Variants in GNPTAB observed in about 807,000 individuals in gnomAD.
GNPTAB encodes N-acetylglucosamine-1-phosphotransferase subunits alpha/beta.
Under a neutral mutation model 136.6 loss-of-function variants are expected in GNPTAB, and 92 were observed. The observed-to-expected ratio is 0.67, with a 90% CI of 0.57 to 0.80. The LOEUF (loss-of-function observed/expected upper bound fraction) is 0.80, where lower values mean the gene tolerates loss of function less well. Among genes scored for constraint, GNPTAB ranks in the 30% least tolerant of loss-of-function variants. GNPTAB has a pLI of 0.00. For synonymous variants in GNPTAB, 512 were observed against 535.1 expected, an observed-to-expected ratio of 0.96 and a Z score of 0.60; for missense variants, 1,343 against 1,501.8, an observed-to-expected ratio of 0.89 and a Z score of 1.75.
At chr12:101,829,160 T>C (rs192196225) in intron 1 of GNPTAB, among the ~76,000 whole-genome samples, 6 of 152,178 alleles carry the variant, frequency 3.9e-5, no homozygotes, top group East Asian at 1.9e-4. Flanking sequence ...CAGCCAAGCA[T>C]GGAATGAAAG....
At chr12:101,752,317 C>A (rs550382800) in intron 19 of GNPTAB, among the ~76,000 whole-genome samples, 8 of 152,044 alleles carry the variant, frequency 5.3e-5, no homozygotes, top group Non-Finnish European at 1.0e-4. Context: ...TCCAGCTACT[C>A]GGGAGGCTGA....
intron 1 of GNPTAB, among the ~76,000 whole-genome samples, chr12:101,822,346 G>A (rs1377947523): frequency 3.3e-5 from 5 of 152,152 alleles, no homozygotes; most frequent in Non-Finnish European, 5.9e-5. Flanking sequence ...CCCGGGGGGC[G>A]GAGCCTGCAG....
intron 1 of GNPTAB, among the ~76,000 whole-genome samples, chr12:101,824,027 A>G (rs1213105239): frequency 6.6e-6 from 1 of 152,090 alleles, no homozygotes; most frequent in African/African-American, 2.4e-5. Context: ...TTTGGGTAAC[A>G]GCCTTGTGAT....
At chr12:101,819,042 G>A (rs553845026) in intron 1 of GNPTAB, among the ~76,000 whole-genome samples, 108 of 150,420 alleles carry the variant, frequency 7.2e-4, no homozygotes, top group African/African-American at 2.4e-3. Flanking sequence ...ACAGAGTCTC[G>A]CTCTTGTCGC....
intron 4 of GNPTAB, 87 bp from the exon 5 acceptor site, chr12:101,786,304 ATTT>A: frequency 2.0e-6 from 2 of 1,013,166 alleles, no homozygotes; most frequent in South Asian, 1.4e-5. Context: ...AATTTTTCAG[ATTT>A]TTTTATAGCC....
In GNPTAB at chr12:101,747,367, CA is replaced by C. The variant is rs1222461140; in HGVS notation, c.3694-127del. The C allele has an allele frequency of 3.7e-5, 25 of 671,542 alleles. 1 individual carries two copies. Among genetic ancestry groups the C allele is most frequent in the Non-Finnish European group, 6.2e-5 (23 of 370,394 alleles). 41.6% of individuals were successfully genotyped at this position (671,542 alleles called of 1,614,324 possible). ...ACAATCTTATACATTAAAAAGACAA[CA>C]AACAAATCTCCATCATTCCTCTTCC... is the stretch of plus-strand genomic sequence containing the variant. On this transcript the variant is annotated intron_variant, in intron 20 of 20. Transcript: ENST00000299314.
chr12:101,824,687 G>C (rs947252353), intron 1 of GNPTAB, among the ~76,000 whole-genome samples: 3 of 151,290 alleles, frequency 2.0e-5, no homozygotes, highest in Non-Finnish European at 4.4e-5. Flanking sequence ...GGCTGCTTTC[G>C]AACTCGCCTT....
intron 1 of GNPTAB, among the ~76,000 whole-genome samples, chr12:101,822,791 T>G (rs990361765): frequency 2.0e-5 from 3 of 152,202 alleles, no homozygotes; most frequent in Non-Finnish European, 4.4e-5. Context: ...TGAATTTTCA[T>G]CCAGGGGCAG....
chr12:101,770,895 CCT>C (rs1953161492), intron 8 of GNPTAB, 99 bp downstream of exon 8: 1 of 1,188,542 alleles, frequency 8.4e-7, no homozygotes, highest in East Asian at 2.3e-5. Flanking sequence ...AATCAACTCA[CCT>C]CTCTGTAAGT....
rs1334654500 is a variant in GNPTAB at position 101,753,235 on chromosome 12, A to G, written c.3602+137T>C. 1.2e-5 allele frequency: 9 copies of G among 749,180 alleles called. No individual in the cohort carries two copies. In the African/African-American group the frequency reaches 1.2e-4, roughly 10 times the overall value. The allele number at this position is 749,180 out of a possible 1,614,324, so 46.4% of individuals were successfully genotyped here. A position where few individuals can be genotyped will look rare whatever the true frequency, so the allele number is the denominator to read the frequency against. On this transcript the variant is annotated intron_variant, in intron 19 of 20. Coordinates refer to ENST00000299314, the MANE Select transcript of GNPTAB (RefSeq NM_024312.5). ...GCCATTGCACTCCAGCTTGGGCAAC[A>G]AGAACAAAACTCCGTCTCAAAAAAA...
At chr12:101,754,359 G>A (rs1483470543) in intron 18 of GNPTAB, among the ~76,000 whole-genome samples, 3 of 151,982 alleles carry the variant, frequency 2.0e-5, no homozygotes, top group East Asian at 3.9e-4. Flanking sequence ...TCGGGAGGCA[G>A]AGGTTGCAGT....
Position 101,761,345 on chromosome 12 carries a change from A to G in GNPTAB, c.2917T>C (p.Phe973Leu). The G allele has an allele frequency of 6.2e-7, 1 of 1,613,050 alleles. No individual in the cohort carries two copies. The highest frequency in any genetic ancestry group is 8.5e-7 in the Non-Finnish European group (1 of 1,179,414). ...RIVMQELQDM[F>L]PEEFDKTSFH... Reference sequence around the variant, plus strand: ...GACGTCTTGTCAAATTCTTCAGGGAACCTGTCCAAATATAACATATTACAA... The same window carrying G: ...GACGTCTTGTCAAATTCTTCAGGGAGCCTGTCCAAATATAACATATTACAA... The change falls in exon 15 of 21, where the codon TTC (phenylalanine) becomes CTC (leucine). Residue 973 changes from phenylalanine (F) to leucine (L), a missense_variant and splice_region_variant. Transcript: ENST00000299314.
intron 1 of GNPTAB, among the ~76,000 whole-genome samples, chr12:101,808,573 T>C (rs1870060847): frequency 6.6e-6 from 1 of 152,042 alleles, no homozygotes; most frequent in Non-Finnish European, 1.5e-5. Context: ...TAGGTGACCT[T>C]GGATTTGATG....
intron 5 of GNPTAB, among the ~76,000 whole-genome samples, chr12:101,783,669 G>A (rs1275385436): frequency 6.6e-6 from 1 of 151,990 alleles, no homozygotes; most frequent in Non-Finnish European, 1.5e-5. Flanking sequence ...GAGTGAAGGG[G>A]CAGACATTTA....
chr12:101,757,680 C>T, intron 16 of GNPTAB, 23 bp from the exon 17 acceptor site: 1 of 1,147,144 alleles, frequency 8.7e-7, no homozygotes, highest in African/African-American at 1.5e-5. Context: ...ATAAGTAGAT[C>T]AGATATCACA....
chr12:101,762,754 T>G (rs1473873159), intron 13 of GNPTAB, among the ~76,000 whole-genome samples: 1 of 152,078 alleles, frequency 6.6e-6, no homozygotes, highest in Non-Finnish European at 1.5e-5. Flanking sequence ...TGCATAGCTA[T>G]AGAAAAATAC....
chr12:101,761,804 G>A (rs1352368822), intron 13 of GNPTAB, 41 bp from the exon 14 acceptor site: 3 of 1,371,212 alleles, frequency 2.2e-6, no homozygotes, highest in Non-Finnish European at 3.1e-6. Context: ...ATTATGTTTA[G>A]TGCACAAGTG....
intron 1 of GNPTAB, among the ~76,000 whole-genome samples, chr12:101,817,738 T>C (rs964415354): frequency 6.6e-6 from 1 of 152,086 alleles, no homozygotes; most frequent in Non-Finnish European, 1.5e-5. Flanking sequence ...GGTGGGAGGA[T>C]CACTTGAGCC....
At chr12:101,786,273 G>A in intron 4 of GNPTAB, 56 bp from the exon 5 acceptor site, 1 of 1,389,406 alleles carries the variant, frequency 7.2e-7, no homozygotes, top group South Asian at 1.2e-5. Flanking sequence ...AATCAGCAAT[G>A]AGAAGCTTGT....
Sources: gnomAD v4.1 joint callset for allele counts (sites outside exome capture counted in the v4.1 genomes callset) on GRCh38, gnomAD v4.1.1 for gene constraint, MANE v1.5 for transcripts, NCBI Gene and HGNC (gene_info 2026-07-23, HGNC 2026-07-21) for gene names.